ABCA8: variants seen among roughly 807,000 people sequenced by gnomAD.
The protein encoded by ABCA8 is ATP binding cassette subfamily A member 8.
Under a neutral mutation model 192.3 loss-of-function variants are expected in ABCA8, and 177 were observed. The observed-to-expected ratio is 0.92, with a 90% CI of 0.81 to 1.04. ABCA8 has a LOEUF of 1.04. Among genes scored for constraint, ABCA8 ranks in the 50% least tolerant of loss-of-function variants. ABCA8 has a pLI of 0.00. For synonymous variants in ABCA8, 642 were observed against 690.2 expected, an observed-to-expected ratio of 0.93 and a Z score of 1.09; for missense variants, 1,915 against 1,904.8, an observed-to-expected ratio of 1.01 and a Z score of -0.10.
chr17:68,932,645 T>C, intron 6 of ABCA8, 131 bp from the exon 7 acceptor site: 1 of 677,116 alleles, frequency 1.5e-6, no homozygotes, highest in Non-Finnish European at 2.5e-6. Context: ...TTTCCACTTC[T>C]ATGTCCTGTC....
chr17:68,942,530 T>C (rs1470171906), intron 2 of ABCA8, among the ~76,000 whole-genome samples: 1 of 152,156 alleles, frequency 6.6e-6, no homozygotes, highest in African/African-American at 2.4e-5. Flanking sequence ...TCACTGTGTG[T>C]TTCCTCTAGC....
chr17:68,898,116 T>C (rs950601670), intron 21 of ABCA8, among the ~76,000 whole-genome samples: 2 of 152,026 alleles, frequency 1.3e-5, no homozygotes, highest in Non-Finnish European at 2.9e-5. Context: ...GAAACACCAA[T>C]AAGAACCCAG....
At chr17:68,907,456 T>C (rs1393425677) in intron 18 of ABCA8, among the ~76,000 whole-genome samples, 1 of 151,548 alleles carries the variant, frequency 6.6e-6, no homozygotes, top group Non-Finnish European at 1.5e-5. Flanking sequence ...ACCATTTGGG[T>C]TTGTGTACAT....
rs1415207543 is a variant in ABCA8, at chr17:68,894,266, G to A, written c.2943C>T (p.Cys981=). The part of the protein sequence containing the change: ...SLACNAKRLN[C]FPVLMDIVSN... ...TAACAATGTCCATAAGAACTGGGAA[G>A]CAATTCAATCTTTTGGCATTGCATG... Residue 981 remains cysteine, a synonymous_variant, in exon 23 of 40, where the codon TGC becomes TGT. Coordinates refer to ENST00000586539, the MANE Select transcript of ABCA8 (RefSeq NM_001288985.2). 1 of 1,611,888 alleles carries A rather than the reference G, an allele frequency of 6.2e-7. No homozygotes were observed. Among genetic ancestry groups the A allele is most frequent in the African/African-American group, 1.3e-5 (1 of 74,870 alleles).
At position 68,884,370 on chromosome 17, in the gene ABCA8, T is replaced by C; in HGVS notation, c.3576A>G (p.Glu1192=). 1 of 1,591,670 alleles carries C rather than the reference T, an allele frequency of 6.3e-7. No homozygotes were observed. The highest frequency in any genetic ancestry group is 1.2e-5 in the South Asian group (1 of 85,654). The change falls in exon 28 of 40, where the codon GAA becomes GAG. Residue 1192 remains glutamate (E), a synonymous_variant. Coordinates refer to ENST00000586539, the MANE Select transcript of ABCA8 (RefSeq NM_001288985.2). ...GAAATGGCTGTACATCCATTCGTTC[T>C]TCAGAAAAGAGAGAAGAAAAGAGAA... is the stretch of plus-strand genomic sequence containing the variant. The part of the protein sequence containing the change: ...SHLLFSSLFS[E]ERMDVQPFLV...
rs560527753 is a variant in ABCA8 at position 68,913,287 on chromosome 17, A to G, written c.2138+4074T>C. 2.6e-5 allele frequency among the ~76,000 whole-genome samples: 4 copies of G among 152,232 alleles called. No homozygotes were observed. The South Asian group carries it at 6.2e-4, about 24-fold the overall frequency. On this transcript the variant is annotated intron_variant, in intron 17 of 39. Coordinates refer to ENST00000586539, the MANE Select transcript of ABCA8 (RefSeq NM_001288985.2). ...AGAATTTATAGCAATAAGTGCTTACATCAAAAAGAGAAAAACTTCAAACAA... is the reference window on the plus strand; with the variant it reads ...AGAATTTATAGCAATAAGTGCTTACGTCAAAAAGAGAAAAACTTCAAACAA...
chr17:68,871,779 A>G (rs2066064650), intron 37 of ABCA8, among the ~76,000 whole-genome samples: 1 of 152,132 alleles, frequency 6.6e-6, no homozygotes, highest in Non-Finnish European at 1.5e-5. Context: ...CATATTACTT[A>G]TGTGTTTGTC....
At chr17:68,948,169 A>G (rs975582616) in intron 2 of ABCA8, among the ~76,000 whole-genome samples, 1 of 152,172 alleles carries the variant, frequency 6.6e-6, no homozygotes, top group Admixed American at 6.5e-5. Context: ...GGTTGGTTCC[A>G]AGTCTTTGCT....
In ABCA8 at chr17:68,910,849, T is replaced by A. The variant is rs542791726; in HGVS notation, c.2139-2970A>T. Among the ~76,000 whole-genome samples the A allele has an allele frequency of 1.1e-4, 17 of 152,316 alleles. No homozygotes were observed. In the South Asian group the frequency reaches 3.5e-3, roughly 32 times the overall value. ...ACATACCCTAGGCCAGAAGGGCACC[T>A]GCTGCCTTGAAGAAAAAGACCCAGT... On this transcript the variant is annotated intron_variant, in intron 17 of 39. Transcript: ENST00000586539.
chr17:68,895,556 T>C (rs192603704), intron 21 of ABCA8, among the ~76,000 whole-genome samples: 2 of 152,322 alleles, frequency 1.3e-5, no homozygotes, highest in Admixed American at 1.3e-4. Context: ...ATAAAATGTA[T>C]TAAATCTCAG....
At position 68,881,969 on chromosome 17, in the gene ABCA8, G is replaced by C; in HGVS notation, c.3840C>G (p.Ile1280Met). 2.5e-6 allele frequency: 4 copies of C among 1,613,522 alleles called. No individual in the cohort carries two copies. The South Asian group carries it at 4.4e-5, about 18-fold the overall frequency. The part of the protein sequence containing the change: ...NSTNFDEKPV[I>M]IASCLRKEYA... ...ACTCCTTGCGTAGACAGCTGGCAAT[G>C]ATGACTGGCTTCTGTAAATGACAAG... Residue 1280 changes from isoleucine to methionine, a missense_variant, in exon 31 of 40, where the codon ATC (isoleucine) becomes ATG (methionine). By Grantham distance (10) the Ile-to-Met change is conservative (BLOSUM62 1). Coordinates refer to ENST00000586539, the MANE Select transcript of ABCA8 (RefSeq NM_001288985.2).
intron 11 of ABCA8, 69 bp downstream of exon 11, chr17:68,924,632 T>C (rs566109752): frequency 5.2e-6 from 8 of 1,528,614 alleles, no homozygotes; most frequent in Non-Finnish European, 6.2e-6. Context: ...AAGGGAACAC[T>C]GCTTGCCTCA....
chr17:68,928,616 G>GA (rs2067765703), intron 9 of ABCA8, among the ~76,000 whole-genome samples: 1 of 152,110 alleles, frequency 6.6e-6, no homozygotes. Flanking sequence ...CACATAAACA[G>GA]AAAAGACATT....
chr17:68,921,355 A>G (rs1198676965), intron 13 of ABCA8, 27 bp downstream of exon 13: 3 of 1,535,200 alleles, frequency 2.0e-6, no homozygotes, highest in Non-Finnish European at 2.7e-6. Flanking sequence ...TATAATTTAA[A>G]AAAAAAGAAA....
intron 5 of ABCA8, among the ~76,000 whole-genome samples, chr17:68,934,682 T>C (rs1277126553): frequency 1.3e-5 from 2 of 152,226 alleles, no homozygotes; most frequent in African/African-American, 4.8e-5. Flanking sequence ...GTTTCACTAA[T>C]AAGATTTCTA....
At chr17:68,895,440 C>T (rs1161260459) in intron 21 of ABCA8, among the ~76,000 whole-genome samples, 2 of 152,072 alleles carry the variant, frequency 1.3e-5, no homozygotes, top group Non-Finnish European at 1.5e-5. Context: ...TAGACCTTCT[C>T]CCCAGAAAAA....
At chr17:68,880,026 G>A (rs2066294154) in intron 32 of ABCA8, 1 of 152,130 alleles carries the variant, frequency 6.6e-6, no homozygotes, top group Non-Finnish European at 1.5e-5. Context: ...CAAGCTTCAG[G>A]GATGGCCTGA....
intron 31 of ABCA8, 102 bp from the exon 32 acceptor site, chr17:68,881,313 GT>G: frequency 1.2e-6 from 1 of 840,756 alleles, no homozygotes; most frequent in Non-Finnish European, 1.9e-6. Flanking sequence ...GCTATTAGTT[GT>G]CATTTAATTG....
rs141172428 is a variant in ABCA8, at chr17:68,881,815, C to G, written c.3946+48G>C. 1.2e-5 allele frequency: 16 copies of G among 1,384,984 alleles called. No homozygotes were observed. The East Asian group carries it at 3.2e-4, about 28-fold the overall frequency. The allele number at this position is 1,384,984 out of a possible 1,614,324, so 85.8% of individuals were successfully genotyped here. On this transcript the variant is annotated intron_variant, in intron 31 of 39. Coordinates refer to ENST00000586539, the MANE Select transcript of ABCA8 (RefSeq NM_001288985.2). ...AATAATGCTCATTAGGAACCAGGAA[C>G]CTCTGAGGAGGGCTCTGAGCCAGAA...
Sources: allele counts gnomAD v4.1 joint callset (sites outside exome capture counted in the v4.1 genomes callset), GRCh38; gene constraint gnomAD v4.1.1; transcripts MANE v1.5; gene names NCBI Gene and HGNC (gene_info 2026-07-23, HGNC 2026-07-21).